ZNF441: variants seen among roughly 807,000 people sequenced by gnomAD.
ZNF441 encodes the protein zinc finger protein 441.
ZNF441 carries 25 observed loss-of-function variants against 64.5 expected under a neutral mutation model. That is an observed-to-expected ratio of 0.39 (90% confidence interval 0.28 to 0.54). The LOEUF is 0.54. Ranked by LOEUF, ZNF441 falls within the 20% of genes least tolerant of loss-of-function variation. The pLI is 0.70. For missense variants in ZNF441, 715 were observed against 843.3 expected, an observed-to-expected ratio of 0.85 and a Z score of 1.88; for synonymous variants, 262 against 268.0, an observed-to-expected ratio of 0.98 and a Z score of 0.22.
At chr19:11,768,617 G>A (rs190564509) in intron 1 of ZNF441, among the ~76,000 whole-genome samples, 1 of 152,222 alleles carries the variant, frequency 6.6e-6, no homozygotes, top group Non-Finnish European at 1.5e-5. Flanking sequence ...AGTGTCAAGT[G>A]AATATCAGTC....
chr19:11,773,027 G>A (rs981034078), intron 1 of ZNF441, among the ~76,000 whole-genome samples: 15 of 152,260 alleles, frequency 9.9e-5, no homozygotes, highest in South Asian at 2.1e-4. Context: ...TCCTGACCTC[G>A]TGATTCGCCC....
chr19:11,781,749 C>T lies in ZNF441; in HGVS notation c.1925C>T (p.Pro642Leu), dbSNP rs757462107. ...GAAAGAGTTCATACTGGAGAGAAGC[C>T]GTATAAATGTAAGGAATGTGGGAAA... The part of the protein sequence containing the change: ...IHERVHTGEK[P>L]YKCKECGKPF... Residue 642 changes from proline to leucine, a missense_variant, in exon 4 of 4, where the codon CCG (proline) becomes CTG (leucine). Physicochemically the swap from Pro to Leu is moderately conservative, Grantham distance 98 (BLOSUM62 -3). This residue lies in a region of ZNF441 where 316 missense variants were observed against 429.3 expected (regional missense o/e 0.74). Coordinates refer to ENST00000357901, the MANE Select transcript of ZNF441 (RefSeq NM_152355.3). The T allele has an allele frequency of 2.0e-5, 33 of 1,613,848 alleles. No homozygotes were observed. The highest frequency in any genetic ancestry group is 3.3e-5 in the South Asian group (3 of 91,080).
intron 2 of ZNF441, 31 bp downstream of exon 2, chr19:11,777,768 A>G (rs1257019500): frequency 6.3e-7 from 1 of 1,587,666 alleles, no homozygotes; most frequent in Non-Finnish European, 8.5e-7. Context: ...TCACTTAGTC[A>G]ATTAGAGACA....
At chr19:11,777,897 T>C in intron 2 of ZNF441, 160 bp downstream of exon 2, 1 of 656,804 alleles carries the variant, frequency 1.5e-6, no homozygotes, top group Non-Finnish European at 2.4e-6. Flanking sequence ...TAACCACTAG[T>C]AGCCTACTGT....
rs1056999385 is a variant in ZNF441, at chr19:11,770,975, G to T, written c.3+3779G>T. Among the ~76,000 whole-genome samples, 71 of 150,350 alleles carry T rather than the reference G, an allele frequency of 4.7e-4. 2 individuals are homozygous for T. The highest frequency in any genetic ancestry group is 2.0e-4 in the Admixed American group (3 of 15,080). ...TTGAATGCAATCTCTAGAAAGCAAA[G>T]ATATATAACCAATGCTTAAAAACCT... On this transcript the variant is annotated intron_variant, in intron 1 of 3. Transcript: ENST00000357901.
At chr19:11,772,425 GC>G in intron 1 of ZNF441, among the ~76,000 whole-genome samples, 1 of 152,298 alleles carries the variant, frequency 6.6e-6, no homozygotes, top group Non-Finnish European at 1.5e-5. Context: ...GCACTGGTAG[GC>G]TAGGCATGGT....
chr19:11,781,860 C>T lies in ZNF441; in HGVS notation c.2036C>T (p.Ala679Val). Reference sequence around the variant, plus strand: ...TATAAGTGTAAAGAATGTGGGGAAGCATTTCATTGTATCAGTTCCTTTCAT... The same window carrying T: ...TATAAGTGTAAAGAATGTGGGGAAGTATTTCATTGTATCAGTTCCTTTCAT... ...KPYKCKECGE[A>V]FHCISSFHKH... Residue 679 changes from alanine (A) to valine (V), a missense_variant, in exon 4 of 4, where the codon GCA becomes GTA. Around this residue, in one of 2 missense-constraint regions of ZNF441, gnomAD observed 316 missense variants for 429.3 expected, o/e 0.74. Coordinates refer to ENST00000357901, the MANE Select transcript of ZNF441 (RefSeq NM_152355.3). 1.2e-6 allele frequency: 2 copies of T among 1,607,468 alleles called. No individual in the cohort carries two copies. The highest frequency in any genetic ancestry group is 8.5e-7 in the Non-Finnish European group (1 of 1,175,742).
In ZNF441 at chr19:11,781,133, C is replaced by A; in HGVS notation, c.1309C>A (p.His437Asn). Reference sequence around the variant, plus strand: ...CATTTGTTGCACTTACCTTCAAATACATGAAAGAATTCACACTGGGGAGAG... The same window carrying A: ...CATTTGTTGCACTTACCTTCAAATAAATGAAAGAATTCACACTGGGGAGAG... ...AFICCTYLQI[H>N]ERIHTGERPY... The change falls in exon 4 of 4, where the codon CAT becomes AAT. Residue 437 changes from histidine (H) to asparagine (N), a missense_variant. His to Asn is a moderately conservative substitution (Grantham distance 68). Transcript: ENST00000357901. 1 of 1,614,056 alleles carries A rather than the reference C, an allele frequency of 6.2e-7. No homozygotes were observed. The highest frequency in any genetic ancestry group is 8.5e-7 in the Non-Finnish European group (1 of 1,180,010).
intron 3 of ZNF441, among the ~76,000 whole-genome samples, chr19:11,778,981 T>C (rs1025075528): frequency 6.6e-6 from 1 of 152,088 alleles, no homozygotes; most frequent in African/African-American, 2.4e-5. Flanking sequence ...TGTCCATTCA[T>C]GTTCAAAGAG....
chr19:11,781,921 A>T lies in ZNF441; in HGVS notation c.*15A>T, dbSNP rs1237418170. The T allele has an allele frequency of 2.6e-6, 4 of 1,542,968 alleles. No individual in the cohort carries two copies. In the East Asian group the frequency reaches 9.1e-5, roughly 35 times the overall value. On this transcript the variant is annotated 3_prime_UTR_variant, in exon 4 of 4. Coordinates refer to ENST00000357901, the MANE Select transcript of ZNF441 (RefSeq NM_152355.3). ...TGACTCACTAGAGAAAACCCCTATG[A>T]GTGTTGAACATGTGAGAAAGCCTTA...
At chr19:11,770,023 C>G (rs1975300874) in intron 1 of ZNF441, among the ~76,000 whole-genome samples, 1 of 152,018 alleles carries the variant, frequency 6.6e-6, no homozygotes, top group African/African-American at 2.4e-5. Context: ...TATGCCCTCA[C>G]ATGGTGGAGA....
Position 11,781,196 on chromosome 19 carries a change from T to A in ZNF441, c.1372T>A (p.Ser458Thr). 2 of 1,613,386 alleles carry A rather than the reference T, an allele frequency of 1.2e-6. No individual in the cohort carries two copies. The highest frequency in any genetic ancestry group is 1.7e-6 in the Non-Finnish European group (2 of 1,179,846). ...TAAACAATGCGGAAAAGCCTTCAGG[T>A]CTTCCAATTACATTCGAGTACATGA... ...KCKQCGKAFR[S>T]SNYIRVHEKT... Residue 458 changes from serine (S) to threonine (T), a missense_variant, in exon 4 of 4, where the codon TCT becomes ACT. Physicochemically the swap from Ser to Thr is moderately conservative, Grantham distance 58. Around this residue, in one of 2 missense-constraint regions of ZNF441, gnomAD observed 316 missense variants for 429.3 expected, o/e 0.74. Transcript: ENST00000357901.
At chr19:11,775,278 A>G (rs1466648659) in intron 1 of ZNF441, among the ~76,000 whole-genome samples, 1 of 152,200 alleles carries the variant, frequency 6.6e-6, no homozygotes, top group Non-Finnish European at 1.5e-5. Flanking sequence ...TTTCCAGTGC[A>G]TGCATTTCCA....
In ZNF441 at chr19:11,780,029, G is replaced by A. The variant is rs753345269; in HGVS notation, c.205G>A (p.Val69Ile). 6 of 1,610,116 alleles carry A rather than the reference G, an allele frequency of 3.7e-6. No homozygotes were observed. Among genetic ancestry groups the A allele is most frequent in the Middle Eastern group, 3.3e-4 (2 of 6,062 alleles). The stretch of plus-strand genomic sequence containing the variant: ...TCTTATTTTTTACAGATGTCATATG[G>A]TAGAGAGAGCCTGTGAAATTAAAGA... ...DLRRNLRCHM[V>I]ERACEIKDNS... Residue 69 changes from valine (V) to isoleucine (I), a missense_variant, in exon 4 of 4, where the codon GTA (valine) becomes ATA (isoleucine). Transcript: ENST00000357901.
At position 11,773,512 on chromosome 19, in the gene ZNF441, C is replaced by T. The variant is rs151273931; in HGVS notation, c.4-4099C>T. On this transcript the variant is annotated intron_variant, in intron 1 of 3. Coordinates refer to ENST00000357901, the MANE Select transcript of ZNF441 (RefSeq NM_152355.3). ...GTTCACATGTATCATTAGTGATTTTCTGCCAAACTGATCTGTCAATTATTG... is the reference window on the plus strand; with the variant it reads ...GTTCACATGTATCATTAGTGATTTTTTGCCAAACTGATCTGTCAATTATTG... 5.9e-3 allele frequency among the ~76,000 whole-genome samples: 903 copies of T among 152,228 alleles called. 3 individuals are homozygous for T. The highest frequency in any genetic ancestry group is 6.9e-3 in the Admixed American group (105 of 15,294).
intron 1 of ZNF441, among the ~76,000 whole-genome samples, chr19:11,768,466 A>C (rs1377925719): frequency 6.6e-6 from 1 of 152,164 alleles, no homozygotes; most frequent in Non-Finnish European, 1.5e-5. Context: ...ACACCTTTTG[A>C]GAATGTCTTT....
intron 1 of ZNF441, among the ~76,000 whole-genome samples, chr19:11,773,111 TC>T (rs1975328344): frequency 6.6e-6 from 1 of 152,166 alleles, no homozygotes; most frequent in Non-Finnish European, 1.5e-5. Context: ...TCTTTACATT[TC>T]CTTCTAAGCA....
chr19:11,769,742 C>T (rs533374592), intron 1 of ZNF441, among the ~76,000 whole-genome samples: 24 of 151,994 alleles, frequency 1.6e-4, no homozygotes, highest in Non-Finnish European at 2.8e-4. Flanking sequence ...GTGGCATGAT[C>T]TCAGCTCACT....
Position 11,767,590 on chromosome 19 carries a change from A to G in ZNF441, c.3+394A>G, listed in dbSNP as rs1975280827. ...ATCCGCCTTCCTGAGAGGTTTGGGG[A>G]TGGGGTGTTTAGGGGTGTGGACAGG... On this transcript the variant is annotated intron_variant, in intron 1 of 3. Transcript: ENST00000357901. This position sits in a 1 kb window ranked among gnomAD's most constrained non-coding sequence, Gnocchi z 5.1. Among the ~76,000 whole-genome samples the G allele has an allele frequency of 6.9e-6, 1 of 145,838 alleles. No individual in the cohort carries two copies. Among genetic ancestry groups the G allele is most frequent in the Non-Finnish European group, 1.5e-5 (1 of 66,584 alleles).
Sources: gnomAD v4.1 joint callset for allele counts (sites outside exome capture counted in the v4.1 genomes callset) on GRCh38, gnomAD v4.1.1 for gene constraint, gnomAD v4.1.1 regional missense constraint, Gnocchi (gnomAD v3.1) non-coding constraint, MANE v1.5 for transcripts, NCBI Gene and HGNC (gene_info 2026-07-23, HGNC 2026-07-21) for gene names.